Variants in BBS9 observed in about 807,000 individuals in gnomAD.
BBS9 encodes the protein Bardet-Biedl syndrome 9.
A neutral mutation model predicts 117.7 loss-of-function variants in BBS9; 89 were observed. The ratio of observed to expected loss-of-function variants is 0.76; its 90% confidence interval spans 0.64 to 0.90. The LOEUF (loss-of-function observed/expected upper bound fraction) is 0.90. Ranked by LOEUF, BBS9 falls within the 40% of genes least tolerant of loss-of-function variation. BBS9 has a pLI of 0.00. For missense variants in BBS9, 982 were observed against 1,042.2 expected (o/e 0.94, Z 0.80); for synonymous variants, 379 against 370.9 (o/e 1.02, Z -0.25).
downstream of BBS9, among the ~76,000 whole-genome samples, chr7:33,607,239 C>T (rs940342311): frequency 8.5e-5 from 13 of 152,122 alleles, no homozygotes; most frequent in South Asian, 2.1e-4. Context: ...ATGGAGAAGC[C>T]GGTGATTTAG....
chr7:33,292,306 CA>C (rs1804224806), intron 9 of BBS9, among the ~76,000 whole-genome samples: 1 of 152,014 alleles, frequency 6.6e-6, no homozygotes, highest in South Asian at 2.1e-4. Context: ...TAGCTCACTG[CA>C]ACCTCTGCCT....
intron 21 of BBS9, among the ~76,000 whole-genome samples, chr7:33,550,200 C>G (rs910520028): frequency 6.6e-6 from 1 of 152,146 alleles, no homozygotes; most frequent in African/African-American, 2.4e-5. Context: ...TCTGCTCGCT[C>G]TCTGAGAAAT....
At chr7:33,241,568 A>T (rs1205510858) in intron 5 of BBS9, among the ~76,000 whole-genome samples, 1 of 152,118 alleles carries the variant, frequency 6.6e-6, no homozygotes, top group East Asian at 1.9e-4. Flanking sequence ...AAGTTAGACA[A>T]TCTTATGCTA....
intron 14 of BBS9, 68 bp from the exon 15 acceptor site, chr7:33,352,791 A>C (rs1818908426): frequency 2.6e-6 from 4 of 1,548,708 alleles, no homozygotes; most frequent in South Asian, 1.1e-5. Context: ...TTGTGTTGTA[A>C]CTTTACCACA....
chr7:33,518,473 T>G (rs1848138759), intron 20 of BBS9, among the ~76,000 whole-genome samples: 1 of 152,124 alleles, frequency 6.6e-6, no homozygotes, highest in Admixed American at 6.5e-5. Context: ...ATGGTCTTGA[T>G]CTCTTGACCT....
chr7:33,166,792 C>G (rs1343350834), intron 4 of BBS9, among the ~76,000 whole-genome samples: 1 of 152,224 alleles, frequency 6.6e-6, no homozygotes, highest in Non-Finnish European at 1.5e-5. Context: ...TCTGTCACGG[C>G]TTCCCTTGGC....
chr7:33,555,531 C>T lies in BBS9; in HGVS notation c.2521+21355C>T, dbSNP rs531411893. 3.3e-5 allele frequency among the ~76,000 whole-genome samples: 5 copies of T among 152,094 alleles called. No homozygotes were observed. The East Asian group carries it at 7.7e-4, about 24-fold the overall frequency. On this transcript the variant is annotated intron_variant, in intron 21 of 22. Transcript: ENST00000242067. ...AGGCTCAGACTTTGGAAGCAGCAAGCGTGATGAAGAGGAGCAAATGGGTAT... is the reference window on the plus strand; with the variant it reads ...AGGCTCAGACTTTGGAAGCAGCAAGTGTGATGAAGAGGAGCAAATGGGTAT...
At chr7:33,161,893 G>A (rs1360511848) in intron 4 of BBS9, among the ~76,000 whole-genome samples, 1 of 152,160 alleles carries the variant, frequency 6.6e-6, no homozygotes, top group Admixed American at 6.5e-5. Context: ...ATTTTTTCAT[G>A]TGTCTGTTGG....
rs1838097263 is a variant in BBS9 at position 33,452,879 on chromosome 7, CTG to C, written c.2116-52582_2116-52581del. On this transcript the variant is annotated intron_variant, in intron 19 of 22. Coordinates refer to ENST00000242067, the MANE Select transcript of BBS9 (RefSeq NM_198428.3). ...GGGATCAAAAGAGCTTTCTGCCTGT[CTG>C]TAATTTCTTCTGGCTGAATAAATTT... Among the ~76,000 whole-genome samples the C allele has an allele frequency of 2.0e-5, 3 of 152,296 alleles. No individual in the cohort carries two copies. The South Asian group carries it at 6.2e-4, about 32-fold the overall frequency.
At chr7:33,431,887 A>C (rs551875081) in intron 19 of BBS9, among the ~76,000 whole-genome samples, 1 of 152,244 alleles carries the variant, frequency 6.6e-6, no homozygotes, top group East Asian at 1.9e-4. Flanking sequence ...TCTTTTTATA[A>C]TATATGCTTT....
intron 9 of BBS9, among the ~76,000 whole-genome samples, chr7:33,330,465 T>C (rs189994833): frequency 1.4e-3 from 219 of 152,340 alleles, no homozygotes; most frequent in Non-Finnish European, 2.8e-3. Flanking sequence ...ATAACAAGTT[T>C]AAAATTTTAA....
chr7:33,436,950 G>A (rs1240875919), intron 19 of BBS9, among the ~76,000 whole-genome samples: 2 of 152,206 alleles, frequency 1.3e-5, no homozygotes, highest in African/African-American at 4.8e-5. Context: ...ACTTGTAACT[G>A]TGACATAGTT....
At chr7:33,407,080 G>A (rs990508745) in intron 19 of BBS9, among the ~76,000 whole-genome samples, 48 of 152,252 alleles carry the variant, frequency 3.2e-4, no homozygotes, top group African/African-American at 8.7e-4. Context: ...CCAATCAGAC[G>A]TAGATTTGGT....
At chr7:33,166,253 T>G (rs556036702) in intron 4 of BBS9, among the ~76,000 whole-genome samples, 3 of 152,276 alleles carry the variant, frequency 2.0e-5, no homozygotes, top group African/African-American at 7.2e-5. Flanking sequence ...GGCACCCTCC[T>G]GTATGAGGTG....
chr7:33,315,762 T>C (rs1229950668), intron 9 of BBS9, among the ~76,000 whole-genome samples: 1 of 152,194 alleles, frequency 6.6e-6, no homozygotes, highest in African/African-American at 2.4e-5. Context: ...TTTATGTGGA[T>C]ATATATGTGT....
At chr7:33,337,543 T>A (rs1275132960) in intron 10 of BBS9, among the ~76,000 whole-genome samples, 1 of 152,082 alleles carries the variant, frequency 6.6e-6, no homozygotes, top group Non-Finnish European at 1.5e-5. Flanking sequence ...AATATATTTT[T>A]AAAATACAAA....
chr7:33,568,266 C>T (rs918232331), intron 21 of BBS9, among the ~76,000 whole-genome samples: 11 of 152,172 alleles, frequency 7.2e-5, no homozygotes, highest in Middle Eastern at 3.4e-3. Context: ...CTGCCTCTTC[C>T]TCCCTTACCA....
chr7:33,343,078 A>T (rs1040159624), intron 11 of BBS9, among the ~76,000 whole-genome samples: 4 of 152,176 alleles, frequency 2.6e-5, no homozygotes, highest in African/African-American at 9.7e-5. Context: ...TAGAATATGA[A>T]TCTCTTAACT....
chr7:33,581,076 T>TGTG (rs1563396889), intron 21 of BBS9, among the ~76,000 whole-genome samples: 1 of 145,062 alleles, frequency 6.9e-6, no homozygotes, highest in African/African-American at 2.7e-5. Flanking sequence ...GTGTGTATTT[T>TGTG]TGTGTGTGTG....
Sources: allele counts gnomAD v4.1 joint callset (sites outside exome capture counted in the v4.1 genomes callset), GRCh38; gene constraint gnomAD v4.1.1; transcripts MANE v1.5; gene names NCBI Gene and HGNC (gene_info 2026-07-23, HGNC 2026-07-21).